VWA2: variants seen among roughly 807,000 people sequenced by gnomAD.
The protein encoded by VWA2 is von Willebrand factor A domain containing 2.
In VWA2, 73 loss-of-function variants were observed where a neutral mutation model predicts 70.4. The observed-to-expected ratio is 1.04, with a 90% CI of 0.86 to 1.26. The LOEUF is 1.26. VWA2 is among the 50% of genes most tolerant of loss of function. The pLI, the probability that VWA2 is intolerant of heterozygous loss-of-function variation, is 0.00. For synonymous variants in VWA2, 407 were observed against 423.3 expected (o/e 0.96, Z 0.47); for missense variants, 1,011 against 998.5 (o/e 1.01, Z -0.17).
rs186913155 is a variant in VWA2 at position 114,269,051 on chromosome 10, A to G, written c.372-3689A>G. Among the ~76,000 whole-genome samples the G allele has an allele frequency of 6.0e-3, 912 of 152,174 alleles. 10 individuals carry two copies. Among genetic ancestry groups the G allele is most frequent in the African/African-American group, 0.021 (859 of 41,512 alleles). ...CTTCTCACTTCTCAGAGGTCAAGCCATGGGGAATCTCACCTTACCTTGGTC... is the reference window on the plus strand; with the variant it reads ...CTTCTCACTTCTCAGAGGTCAAGCCGTGGGGAATCTCACCTTACCTTGGTC... On this transcript the variant is annotated intron_variant, in intron 5 of 13. Coordinates refer to ENST00000392982, the MANE Select transcript of VWA2 (RefSeq NM_001272046.2).
At position 114,290,231 on chromosome 10, in the gene VWA2, C is replaced by A. The variant is rs1222117794; in HGVS notation, c.2123-9C>A. Reference sequence around the variant, plus strand: ...GCCGGCCTGGTGGGTATGGTGTTCTCCATTGTAGAAGCCAAGCAGCCAGTC... The same window carrying A: ...GCCGGCCTGGTGGGTATGGTGTTCTACATTGTAGAAGCCAAGCAGCCAGTC... On this transcript the variant is annotated splice_polypyrimidine_tract_variant and intron_variant, in intron 12 of 13. Transcript: ENST00000392982. 1 of 1,550,240 alleles carries A rather than the reference C, an allele frequency of 6.5e-7. No homozygotes were observed. The highest frequency in any genetic ancestry group is 2.0e-5 in the Admixed American group (1 of 50,990).
At chr10:114,261,434 T>A in intron 5 of VWA2, 139 bp downstream of exon 5, 1 of 559,394 alleles carries the variant, frequency 1.8e-6, no homozygotes, top group Non-Finnish European at 3.2e-6. Flanking sequence ...GCACAGTTGG[T>A]CACATGAATT....
intron 2 of VWA2, among the ~76,000 whole-genome samples, chr10:114,252,097 C>A (rs945712660): frequency 6.6e-6 from 1 of 152,118 alleles, no homozygotes; most frequent in African/African-American, 2.4e-5. Flanking sequence ...TGAGCCACCC[C>A]GCTGGCCTGT....
In VWA2 at chr10:114,286,010, G is replaced by C; in HGVS notation, c.1069G>C (p.Asp357His). The C allele has an allele frequency of 6.2e-7, 1 of 1,614,118 alleles. No individual in the cohort carries two copies. Among genetic ancestry groups the C allele is most frequent in the South Asian group, 1.1e-5 (1 of 91,060 alleles). The change falls in exon 11 of 14, where the codon GAC becomes CAC. Residue 357 changes from aspartate (D) to histidine (H), a missense_variant. Physicochemically the swap from Asp to His is moderately conservative, Grantham distance 81. Transcript: ENST00000392982. ...LLDSSAGTTL[D>H]GFLRAKVFVK... is the part of the protein sequence containing the mutation. ...GGACAGCTCTGCGGGCACCACTCTGGACGGCTTCCTGCGGGCCAAAGTCTT... is the reference window on the plus strand; with the variant it reads ...GGACAGCTCTGCGGGCACCACTCTGCACGGCTTCCTGCGGGCCAAAGTCTT...
chr10:114,271,329 T>C (rs1202673962), intron 5 of VWA2, among the ~76,000 whole-genome samples: 1 of 152,248 alleles, frequency 6.6e-6, no homozygotes, highest in Non-Finnish European at 1.5e-5. Context: ...TTTAACTTTA[T>C]GGAGCACCGC....
At chr10:114,260,064 T>C (rs1314936520) in intron 4 of VWA2, among the ~76,000 whole-genome samples, 1 of 152,246 alleles carries the variant, frequency 6.6e-6, no homozygotes, top group Non-Finnish European at 1.5e-5. Context: ...TGCTTAAATA[T>C]GACTCACTTG....
chr10:114,261,702 G>T (rs1174062453), intron 5 of VWA2, among the ~76,000 whole-genome samples: 1 of 152,194 alleles, frequency 6.6e-6, no homozygotes, highest in African/African-American at 2.4e-5. Context: ...TCTAAAAAGA[G>T]TAAGTGCCCC....
At chr10:114,243,119 A>G (rs1164340280) in intron 1 of VWA2, among the ~76,000 whole-genome samples, 3 of 152,218 alleles carry the variant, frequency 2.0e-5, no homozygotes, top group Non-Finnish European at 2.9e-5. Context: ...AAGCATTTTC[A>G]GATATCATCC....
At chr10:114,290,464 G>A (rs754055712) in intron 13 of VWA2, 99 bp downstream of exon 13, 48 of 1,475,152 alleles carry the variant, frequency 3.3e-5, no homozygotes, top group African/African-American at 4.2e-5. Flanking sequence ...TAAAACATTC[G>A]TTCAGTGGAA....
At chr10:114,247,179 T>A (rs567674602) in intron 1 of VWA2, among the ~76,000 whole-genome samples, 65 of 150,086 alleles carry the variant, frequency 4.3e-4, no homozygotes, top group Middle Eastern at 3.4e-3. Context: ...ATGTGATTCT[T>A]TTTAAGTGTG....
intron 3 of VWA2, among the ~76,000 whole-genome samples, chr10:114,253,945 G>A (rs867007078): frequency 6.6e-6 from 1 of 151,926 alleles, no homozygotes; most frequent in Non-Finnish European, 1.5e-5. Context: ...GGGAGGCTGA[G>A]GCAGGAGAAT....
chr10:114,278,894 G>A (rs773118145), intron 8 of VWA2, 43 bp downstream of exon 8: 5 of 1,608,848 alleles, frequency 3.1e-6, no homozygotes, highest in Non-Finnish European at 3.4e-6. Context: ...GGAGATGAAG[G>A]CCCCCACCCC....
chr10:114,284,901 T>C lies in VWA2; in HGVS notation c.928T>C (p.Cys310Arg). Residue 310 changes from cysteine (C) to arginine (R), a missense_variant, in exon 10 of 14, where the codon TGT (cysteine) becomes CGT (arginine). By Grantham distance (180) the Cys-to-Arg change is radical. Transcript: ENST00000392982. The stretch of plus-strand genomic sequence containing the variant: ...GCAGCCCTGCCAGAATGGAGGCACA[T>C]GTGTTCCAGAAGGACTGGACGGCTA... ...DSQPCQNGGT[C>R]VPEGLDGYQC... 1 of 1,607,458 alleles carries C rather than the reference T, an allele frequency of 6.2e-7. No individual in the cohort carries two copies. Among genetic ancestry groups the C allele is most frequent in the Non-Finnish European group, 8.5e-7 (1 of 1,177,944 alleles).
At chr10:114,239,861 G>C (rs905216317) in intron 1 of VWA2, among the ~76,000 whole-genome samples, 1 of 152,236 alleles carries the variant, frequency 6.6e-6, no homozygotes, top group East Asian at 1.9e-4. Flanking sequence ...TGGGAGGGGT[G>C]CGGTCAGCAG....
intron 5 of VWA2, among the ~76,000 whole-genome samples, chr10:114,262,882 C>T (rs58322775): frequency 3.9e-5 from 6 of 152,282 alleles, no homozygotes; most frequent in African/African-American, 1.4e-4. Context: ...GAGCCTTGTG[C>T]CCTTGGGGCC....
In VWA2 at chr10:114,272,726, C is replaced by G; in HGVS notation, c.372-14C>G. The G allele has an allele frequency of 6.4e-7, 1 of 1,552,080 alleles. No homozygotes were observed. The highest frequency in any genetic ancestry group is 8.7e-7 in the Non-Finnish European group (1 of 1,145,286). On this transcript the variant is annotated splice_polypyrimidine_tract_variant and intron_variant, in intron 5 of 13. Transcript: ENST00000392982. ...ATTCACTTTTCTTTCTTTTTTCCTT[C>G]TGGGTGTGCACAGAGGAGGGCGCAC...
At chr10:114,259,364 C>T (rs2037395048) in intron 4 of VWA2, among the ~76,000 whole-genome samples, 1 of 151,674 alleles carries the variant, frequency 6.6e-6, no homozygotes, top group Admixed American at 6.6e-5. Flanking sequence ...TCCCAGACAC[C>T]TTTTTATATA....
intron 8 of VWA2, chr10:114,280,748 T>C (rs1179702167): frequency 6.6e-6 from 1 of 152,136 alleles, no homozygotes; most frequent in Non-Finnish European, 1.5e-5. Context: ...GTTTTTATTA[T>C]TATTTTTTTG....
rs574646796 is a variant in VWA2, at chr10:114,282,705, G to T, written c.889+134G>T. 3.3e-5 allele frequency: 24 copies of T among 719,228 alleles called. No individual in the cohort carries two copies. In the East Asian group the frequency reaches 6.0e-4, roughly 18 times the overall value. 44.6% of individuals were successfully genotyped at this position (719,228 alleles called of 1,614,324 possible). On this transcript the variant is annotated intron_variant, in intron 9 of 13. Coordinates refer to ENST00000392982, the MANE Select transcript of VWA2 (RefSeq NM_001272046.2). Reference sequence around the variant, plus strand: ...CCAGGGCAGAGGGATGGGGCACTTGGGGGGCAGAGGAGAGTGTGCTCTTGA... The same window carrying T: ...CCAGGGCAGAGGGATGGGGCACTTGTGGGGCAGAGGAGAGTGTGCTCTTGA...
Sources: gnomAD v4.1 joint callset for allele counts (sites outside exome capture counted in the v4.1 genomes callset) on GRCh38, gnomAD v4.1.1 for gene constraint, MANE v1.5 for transcripts, NCBI Gene and HGNC (gene_info 2026-07-23, HGNC 2026-07-21) for gene names.